The following AJAP1 variants were observed in gnomAD, a reference collection of about 807,000 sequenced individuals.
The protein encoded by AJAP1 is adherens junctions associated protein 1, also known as adherens junction-associated protein 1.
AJAP1 carries 5 observed loss-of-function variants against 35.0 expected under a neutral mutation model. The observed-to-expected ratio is 0.14, with a 90% CI of 0.07 to 0.30. The LOEUF is 0.30. Ranked by LOEUF, AJAP1 falls within the 10% of genes least tolerant of loss-of-function variation. The pLI is 1.00. For synonymous variants in AJAP1, 284 were observed against 249.3 expected, an observed-to-expected ratio of 1.14 and a Z score of -1.31; for missense variants, 586 against 571.0, an observed-to-expected ratio of 1.03 and a Z score of -0.27.
intron 2 of AJAP1, among the ~76,000 whole-genome samples, chr1:4,729,839 C>T (rs1640758287): frequency 6.6e-6 from 1 of 152,196 alleles, no homozygotes; most frequent in South Asian, 2.1e-4. Context: ...TTAGGGGCCA[C>T]CCTGATCACC....
intron 4 of AJAP1, 142 bp from the exon 5 acceptor site, chr1:4,774,285 C>T (rs1270301902): frequency 4.3e-6 from 3 of 704,666 alleles, no homozygotes; most frequent in Non-Finnish European, 7.4e-6. Flanking sequence ...GGGGGGTGGT[C>T]CCTTCCTGGC....
chr1:4,718,646 C>A (rs903718502), intron 2 of AJAP1, among the ~76,000 whole-genome samples: 1 of 152,048 alleles, frequency 6.6e-6, no homozygotes, highest in South Asian at 2.1e-4. Context: ...CTAAGCTCAG[C>A]TAATTTTTGT....
intron 1 of AJAP1, among the ~76,000 whole-genome samples, chr1:4,663,413 G>A (rs1327179449): frequency 6.6e-6 from 1 of 152,142 alleles, no homozygotes; most frequent in African/African-American, 2.4e-5. Flanking sequence ...CCTCAAGCAG[G>A]CCATGGATTC....
chr1:4,737,483 G>GC (rs1399567244), intron 2 of AJAP1, among the ~76,000 whole-genome samples: 6 of 151,618 alleles, frequency 4.0e-5, no homozygotes, highest in Admixed American at 6.6e-5. Context: ...AGAGACGGGA[G>GC]CCCCCCCGAG....
At chr1:4,757,316 C>T (rs1298336867) in intron 2 of AJAP1, among the ~76,000 whole-genome samples, 1 of 152,226 alleles carries the variant, frequency 6.6e-6, no homozygotes, top group Non-Finnish European at 1.5e-5. Flanking sequence ...GGCTCACTCA[C>T]ATGCCCCCGG....
intron 1 of AJAP1, among the ~76,000 whole-genome samples, chr1:4,709,208 C>CCTGGTGGGGG (rs1216668676): frequency 1.8e-4 from 25 of 139,984 alleles, no homozygotes; most frequent in Admixed American, 3.6e-4. Flanking sequence ...ATTCAGCCTG[C>CCTGGTGGGGG]CTGGTGGGGG....
chr1:4,690,477 G>A (rs960011354), intron 1 of AJAP1, among the ~76,000 whole-genome samples: 3 of 152,224 alleles, frequency 2.0e-5, no homozygotes, highest in Admixed American at 6.5e-5. Context: ...CCAGGGGCGC[G>A]TGGAGGTGGC....
At chr1:4,670,966 C>T (rs1639235862) in intron 1 of AJAP1, among the ~76,000 whole-genome samples, 1 of 152,182 alleles carries the variant, frequency 6.6e-6, no homozygotes, top group African/African-American at 2.4e-5. Flanking sequence ...CCTTCAAGGC[C>T]CTTCTAAGGG....
chr1:4,760,043 T>C (rs1021042382), intron 2 of AJAP1, among the ~76,000 whole-genome samples: 3 of 152,268 alleles, frequency 2.0e-5, no homozygotes, highest in African/African-American at 7.2e-5. Flanking sequence ...CCATCATCTT[T>C]TGTGGAACTT....
In AJAP1 at chr1:4,768,370, A is replaced by C. The variant is rs187799871; in HGVS notation, c.830-1483A>C. ...CCTGGAGGAGAATCCCTCGTGAAAA[A>C]CAAAAATTACCCCCAGAGAGGGGGA... is the stretch of plus-strand genomic sequence containing the variant. On this transcript the variant is annotated intron_variant, in intron 2 of 5. Transcript: ENST00000378191. Among the ~76,000 whole-genome samples, 757 of 152,320 alleles carry C rather than the reference A, an allele frequency of 5.0e-3. 25 individuals carry two copies. The highest frequency in any genetic ancestry group is 0.043 in the Admixed American group (663 of 15,300).
At chr1:4,737,820 T>G (rs1640964471) in intron 2 of AJAP1, among the ~76,000 whole-genome samples, 1 of 152,182 alleles carries the variant, frequency 6.6e-6, no homozygotes, top group Non-Finnish European at 1.5e-5. Flanking sequence ...GTGGATCGCT[T>G]GAGCCCAGAA....
chr1:4,714,442 C>T (rs1557622786), intron 2 of AJAP1, among the ~76,000 whole-genome samples: 2 of 152,206 alleles, frequency 1.3e-5, no homozygotes, highest in African/African-American at 2.4e-5. Context: ...TTACTGTCAC[C>T]TCCTCTGTAT....
At chr1:4,677,743 CAA>C (rs76101598) in intron 1 of AJAP1, among the ~76,000 whole-genome samples, 6,456 of 150,318 alleles carry the variant, frequency 0.043, 177 homozygotes, top group South Asian at 0.075. Flanking sequence ...GATGTGCATT[CAA>C]AAAAAAAAAT....
chr1:4,685,636 C>T (rs1185448909), intron 1 of AJAP1, among the ~76,000 whole-genome samples: 1 of 126,992 alleles, frequency 7.9e-6, no homozygotes, highest in Non-Finnish European at 1.6e-5. Flanking sequence ...AGCTCATTGC[C>T]GGGACCCAAG....
intron 1 of AJAP1, among the ~76,000 whole-genome samples, chr1:4,683,661 A>G (rs906724900): frequency 1.3e-5 from 2 of 152,192 alleles, no homozygotes; most frequent in Admixed American, 6.5e-5. Context: ...TCTTGCAAAT[A>G]TACTTGACTC....
chr1:4,753,095 G>A (rs535154351), intron 2 of AJAP1, among the ~76,000 whole-genome samples: 92 of 152,256 alleles, frequency 6.0e-4, no homozygotes, highest in Non-Finnish European at 1.1e-3. Flanking sequence ...CTTTTACGGC[G>A]TTTTATATCA....
At chr1:4,704,552 A>T (rs1199614512) in intron 1 of AJAP1, among the ~76,000 whole-genome samples, 5 of 152,096 alleles carry the variant, frequency 3.3e-5, no homozygotes, top group Admixed American at 2.6e-4. Context: ...AATCTGGTCT[A>T]TCATTGTTGG....
At chr1:4,665,803 C>A (rs373933243) in intron 1 of AJAP1, among the ~76,000 whole-genome samples, 1 of 152,222 alleles carries the variant, frequency 6.6e-6, no homozygotes, top group East Asian at 1.9e-4. Context: ...GATGAAAAGA[C>A]CCCTCTCCTG....
intron 2 of AJAP1, among the ~76,000 whole-genome samples, chr1:4,765,818 T>C (rs964494680): frequency 1.3e-5 from 2 of 152,180 alleles, no homozygotes; most frequent in Non-Finnish European, 2.9e-5. Flanking sequence ...AAGTGACTTA[T>C]TATCAAGTGG....
Sources: allele counts gnomAD v4.1 joint callset (sites outside exome capture counted in the v4.1 genomes callset), GRCh38; gene constraint gnomAD v4.1.1; transcripts MANE v1.5; gene names NCBI Gene and HGNC (gene_info 2026-07-23, HGNC 2026-07-21).